RARA: variants seen among roughly 807,000 people sequenced by gnomAD.
RARA encodes the protein retinoic acid receptor alpha, also known as PML-DDX5-RARA fusion.
Under a neutral mutation model 42.8 loss-of-function variants are expected in RARA, and 5 were observed. That is an observed-to-expected ratio of 0.12 (90% CI 0.06 to 0.25). The LOEUF (loss-of-function observed/expected upper bound fraction) is 0.25. RARA is among the 10% of genes least tolerant of loss of function. The pLI is 1.00. For synonymous variants in RARA, 256 were observed against 259.5 expected, an observed-to-expected ratio of 0.99 and a Z score of 0.13; for missense variants, 402 against 628.7, an observed-to-expected ratio of 0.64 and a Z score of 3.86.
intron 1 of RARA, among the ~76,000 whole-genome samples, chr17:40,312,479 G>A (rs1450382709): frequency 6.6e-6 from 1 of 152,252 alleles, no homozygotes; most frequent in Non-Finnish European, 1.5e-5. Flanking sequence ...GGGCGAGAAA[G>A]GCTGCAGGGA....
Position 40,355,728 on chromosome 17 carries a change from C to T in RARA, c.1172-281C>T, listed in dbSNP as rs578120184. On this transcript the variant is annotated intron_variant, in intron 8 of 8. Coordinates refer to ENST00000254066, the MANE Select transcript of RARA (RefSeq NM_000964.4). This position sits in a 1 kb window ranked among gnomAD's most constrained non-coding sequence, Gnocchi z 4.1. ...ATAACATTCGTGTTTACAGAGGGGT[C>T]GGGATGATCCCTAGCACACAGCACA... 2.6e-5 allele frequency among the ~76,000 whole-genome samples: 4 copies of T among 152,304 alleles called. No homozygotes were observed. The East Asian group carries it at 5.8e-4, about 22-fold the overall frequency.
intron 2 of RARA, among the ~76,000 whole-genome samples, chr17:40,340,612 T>C (rs1167578570): frequency 2.0e-5 from 3 of 152,236 alleles, no homozygotes; most frequent in African/African-American, 7.2e-5. Context: ...CTTTCTCTTA[T>C]GGTAGGTCTG....
chr17:40,311,749 T>G (rs964062204), intron 1 of RARA, among the ~76,000 whole-genome samples: 3 of 152,144 alleles, frequency 2.0e-5, no homozygotes, highest in African/African-American at 7.2e-5. Context: ...CTTAGCTGGT[T>G]TCCTTCCTCC....
Position 40,357,161 on chromosome 17 carries a change from AG to A in RARA, c.*936del. ...GGGCAGAGCAAGGGCCCCGGGACAG[AG>A]TTTTCCCAGACCTGGCTCCTCGGCA... On this transcript the variant is annotated 3_prime_UTR_variant, in exon 9 of 9. Coordinates refer to ENST00000254066, the MANE Select transcript of RARA (RefSeq NM_000964.4). 4.2e-6 allele frequency: 1 copy of A among 238,412 alleles called. No individual in the cohort carries two copies. The highest frequency in any genetic ancestry group is 8.3e-6 in the Non-Finnish European group (1 of 121,066). The allele number at this position is 238,412 out of a possible 1,614,324, so 14.8% of individuals were successfully genotyped here.
chr17:40,356,247 C>T lies in RARA; in HGVS notation c.*21C>T, dbSNP rs761900323. The T allele has an allele frequency of 9.1e-6, 14 of 1,546,508 alleles. No homozygotes were observed. In the South Asian group the frequency reaches 1.5e-4, roughly 17 times the overall value. On this transcript the variant is annotated 3_prime_UTR_variant, in exon 9 of 9. Transcript: ENST00000254066. ...CGTGACCGCCCACGCCACATGGACA[C>T]AGCCCTCGCCCTCCGCCCCGGCTTT...
At chr17:40,316,562 G>A (rs2033217789) in intron 1 of RARA, among the ~76,000 whole-genome samples, 1 of 152,196 alleles carries the variant, frequency 6.6e-6, no homozygotes. Flanking sequence ...CCAGCCTCAA[G>A]GAAGGAAGAC....
chr17:40,334,638 G>T (rs1215383193), intron 2 of RARA, among the ~76,000 whole-genome samples: 1 of 152,204 alleles, frequency 6.6e-6, no homozygotes, highest in Non-Finnish European at 1.5e-5. Context: ...CAGTTCCCAG[G>T]AGAGGTGGCA....
At chr17:40,329,330 G>A (rs993640849) in intron 1 of RARA, among the ~76,000 whole-genome samples, 18 of 150,324 alleles carry the variant, frequency 1.2e-4, no homozygotes, top group Admixed American at 3.3e-4. Flanking sequence ...TTTTGGAGAC[G>A]GAGTCTTGCT....
intron 3 of RARA, 134 bp from the exon 4 acceptor site, chr17:40,349,650 C>A: frequency 8.8e-7 from 1 of 1,135,968 alleles, no homozygotes; most frequent in Non-Finnish European, 1.2e-6. Flanking sequence ...CTTTTCTGGC[C>A]TGCTCAGGTA....
chr17:40,319,520 C>A (rs553450127), intron 1 of RARA, among the ~76,000 whole-genome samples: 1 of 149,516 alleles, frequency 6.7e-6, no homozygotes, highest in East Asian at 1.9e-4. Context: ...TCTGAGAACA[C>A]CCCCCGACCC....
rs375417623 is a variant in RARA at position 40,356,452 on chromosome 17, A to C, written c.*226A>C. ...CAGCCTGGGCTGACGTCAGAGGCCGAGGCCAGGAACTGAGTGAGGCCCCTG... is the reference window on the plus strand; with the variant it reads ...CAGCCTGGGCTGACGTCAGAGGCCGCGGCCAGGAACTGAGTGAGGCCCCTG... On this transcript the variant is annotated 3_prime_UTR_variant, in exon 9 of 9. Coordinates refer to ENST00000254066, the MANE Select transcript of RARA (RefSeq NM_000964.4). The C allele has an allele frequency of 1.4e-6, 1 of 708,752 alleles. No individual in the cohort carries two copies. 43.9% of individuals were successfully genotyped at this position (708,752 alleles called of 1,614,324 possible).
At position 40,357,004 on chromosome 17, in the gene RARA, C is replaced by T; in HGVS notation, c.*778C>T. The T allele has an allele frequency of 2.6e-6, 1 of 387,930 alleles. No homozygotes were observed. The highest frequency in any genetic ancestry group is 4.8e-6 in the Non-Finnish European group (1 of 208,646). The allele number at this position is 387,930 out of a possible 1,614,324, so 24.0% of individuals were successfully genotyped here. On this transcript the variant is annotated 3_prime_UTR_variant, in exon 9 of 9. Transcript: ENST00000254066. ...ACTTTCCAAGGCCTGCCTTCCCCTC[C>T]CTCCCACTGGAGAAGCCGCCAGCCC...
intron 2 of RARA, chr17:40,342,111 G>T (rs987894895): frequency 8.5e-5 from 89 of 1,050,698 alleles, no homozygotes; most frequent in Middle Eastern, 8.6e-4. Context: ...CGGTGGAAAG[G>T]GGGTGGTGCC....
chr17:40,317,663 A>C (rs2143175114), intron 1 of RARA, among the ~76,000 whole-genome samples: 1 of 147,120 alleles, frequency 6.8e-6, no homozygotes, highest in South Asian at 2.2e-4. Flanking sequence ...TGGGGAAAGA[A>C]GAGATATACT....
chr17:40,309,746 A>T (rs976947077), intron 1 of RARA, among the ~76,000 whole-genome samples: 1 of 152,138 alleles, frequency 6.6e-6, no homozygotes, highest in Non-Finnish European at 1.5e-5. Flanking sequence ...CCTACTCCCT[A>T]CACACCTTGT....
chr17:40,356,217 C>T lies in RARA; in HGVS notation c.1380C>T (p.His460=). 6.5e-7 allele frequency: 1 copy of T among 1,549,940 alleles called. No individual in the cohort carries two copies. Among genetic ancestry groups the T allele is most frequent in the Non-Finnish European group, 8.7e-7 (1 of 1,146,848 alleles). Residue 460 remains histidine (H), a synonymous_variant, in exon 9 of 9, where the codon CAC becomes CAT. Coordinates refer to ENST00000254066, the MANE Select transcript of RARA (RefSeq NM_000964.4). ...PSSNRSSPAT[H]SP ...CCAACAGAAGCAGCCCGGCCACCCA[C>T]TCCCCGTGACCGCCCACGCCACATG...
chr17:40,352,185 C>T lies in RARA; in HGVS notation c.630+115C>T, dbSNP rs2034478875. On this transcript the variant is annotated intron_variant, in intron 5 of 8. Coordinates refer to ENST00000254066, the MANE Select transcript of RARA (RefSeq NM_000964.4). This position sits in a 1 kb window ranked among gnomAD's most constrained non-coding sequence, Gnocchi z 4.9. ...GCAAGATCTCTGCGTCCTTCCCTTC[C>T]CCTCTCTTCTCCCTCCTCCTGCTGC... 3 of 1,485,304 alleles carry T rather than the reference C, an allele frequency of 2.0e-6. No individual in the cohort carries two copies. In the Admixed American group the frequency reaches 7.6e-5, roughly 38 times the overall value. 92.0% of individuals were successfully genotyped at this position (1,485,304 alleles called of 1,614,324 possible). A position where few individuals can be genotyped will look rare whatever the true frequency, so the allele number is the denominator to read the frequency against.
chr17:40,321,037 C>A (rs190721812), intron 1 of RARA, among the ~76,000 whole-genome samples: 1 of 152,256 alleles, frequency 6.6e-6, no homozygotes, highest in East Asian at 1.9e-4. Flanking sequence ...TGCTGTCTTT[C>A]CTCCCTCTAC....
Position 40,354,536 on chromosome 17 carries a change from G to A in RARA, c.1012+30G>A, listed in dbSNP as rs1567765810. The A allele has an allele frequency of 1.3e-5, 21 of 1,600,742 alleles. No individual in the cohort carries two copies. Among genetic ancestry groups the A allele is most frequent in the Non-Finnish European group, 1.8e-5 (21 of 1,171,634 alleles). On this transcript the variant is annotated intron_variant, in intron 7 of 8. Coordinates refer to ENST00000254066, the MANE Select transcript of RARA (RefSeq NM_000964.4). The surrounding 1 kb of genome is among the most constrained non-coding windows in gnomAD (Gnocchi z 4.5). ...GCAGGGGGCCTGGGTCTGGGGGCTGGGCTGGGACGGGGGTGCAGCCCTGGA... is the reference window on the plus strand; with the variant it reads ...GCAGGGGGCCTGGGTCTGGGGGCTGAGCTGGGACGGGGGTGCAGCCCTGGA...
Sources: gnomAD v4.1 joint callset for allele counts (sites outside exome capture counted in the v4.1 genomes callset) on GRCh38, gnomAD v4.1.1 for gene constraint, Gnocchi (gnomAD v3.1) non-coding constraint, MANE v1.5 for transcripts, NCBI Gene and HGNC (gene_info 2026-07-23, HGNC 2026-07-21) for gene names.